Variants in TRDN observed in about 807,000 individuals in gnomAD.
The protein encoded by TRDN is triadin in skeletal muscle.
Under a neutral mutation model 149.7 loss-of-function variants are expected in TRDN, and 161 were observed. The ratio of observed to expected loss-of-function variants is 1.08; its 90% CI spans 0.95 to 1.23. The LOEUF (loss-of-function observed/expected upper bound fraction) is 1.23, where lower values mean the gene tolerates loss of function less well. Among genes scored for constraint, TRDN ranks in the 50% most tolerant of loss-of-function variants. The pLI is 0.00. For missense variants in TRDN, 896 were observed against 823.5 expected (o/e 1.09, Z -1.08); for synonymous variants, 294 against 250.5 (o/e 1.17, Z -1.64).
intron 6 of TRDN, 125 bp downstream of exon 6, chr6:123,516,016 T>A: frequency 9.3e-7 from 1 of 1,071,630 alleles, no homozygotes; most frequent in Non-Finnish European, 1.2e-6. Context: ...TCAGATTCTA[T>A]TCTGAGAAAA....
intron 12 of TRDN, among the ~76,000 whole-genome samples, chr6:123,405,724 T>C (rs1582978333): frequency 6.6e-6 from 1 of 152,252 alleles, no homozygotes; most frequent in East Asian, 1.9e-4. Context: ...ATTTAAAAAG[T>C]CAATTTAATT....
rs62350097 is a variant in TRDN, at chr6:123,559,628, C to T, written c.233-11016G>A. Among the ~76,000 whole-genome samples, 6 of 152,210 alleles carry T rather than the reference C, an allele frequency of 3.9e-5. No individual in the cohort carries two copies. In the East Asian group the frequency reaches 5.8e-4, roughly 15 times the overall value. Reference sequence around the variant, plus strand: ...CAATCAATGCCAATATCCCATCCCACAGCATGCTTTGAAAGGATTAAAGCC... The same window carrying T: ...CAATCAATGCCAATATCCCATCCCATAGCATGCTTTGAAAGGATTAAAGCC... On this transcript the variant is annotated intron_variant, in intron 2 of 40. Coordinates refer to ENST00000334268, the MANE Select transcript of TRDN (RefSeq NM_006073.4).
chr6:123,267,106 A>AAAAAAAAAAAAAAG (rs1329413474), intron 32 of TRDN, among the ~76,000 whole-genome samples: 1 of 148,246 alleles, frequency 6.7e-6, no homozygotes, highest in African/African-American at 2.5e-5. Context: ...TGTCTCAAAA[A>AAAAAAAAAAAAAAG]AAAAAAAAGA....
intron 21 of TRDN, among the ~76,000 whole-genome samples, chr6:123,342,618 G>T (rs551408279): frequency 6.6e-6 from 1 of 152,030 alleles, no homozygotes; most frequent in African/African-American, 2.4e-5. Flanking sequence ...TTTTATAGAT[G>T]TGATATCTGA....
In TRDN at chr6:123,265,027, A is replaced by G. The variant is rs1372878847; in HGVS notation, c.1804+291T>C. 2.6e-5 allele frequency among the ~76,000 whole-genome samples: 4 copies of G among 152,120 alleles called. No homozygotes were observed. The East Asian group carries it at 7.7e-4, about 29-fold the overall frequency. ...CCCCGAGGTATGCCAGGACAATGAC[A>G]TCTAATTTTCCTTGAATTGCATTTT... On this transcript the variant is annotated intron_variant, in intron 33 of 40. Transcript: ENST00000334268.
intron 2 of TRDN, among the ~76,000 whole-genome samples, chr6:123,560,508 A>G (rs1037219647): frequency 6.6e-6 from 1 of 152,190 alleles, no homozygotes; most frequent in Admixed American, 6.5e-5. Flanking sequence ...AAGGCCATCA[A>G]AAGGCATCAG....
intron 38 of TRDN, among the ~76,000 whole-genome samples, chr6:123,250,707 C>G (rs182639423): frequency 6.6e-6 from 1 of 151,992 alleles, no homozygotes; most frequent in Admixed American, 6.6e-5. Flanking sequence ...TTTTTCTTTT[C>G]AGTTACTGCT....
Position 123,246,925 on chromosome 6 carries a change from C to T in TRDN, c.1975+5487G>A, listed in dbSNP as rs140505877. The stretch of plus-strand genomic sequence containing the variant: ...CACCACGATCAAGTTGGCTTCATCC[C>T]TGGGATGCAAGGTTGGTTCAACATG... On this transcript the variant is annotated intron_variant, in intron 38 of 40. Coordinates refer to ENST00000334268, the MANE Select transcript of TRDN (RefSeq NM_006073.4). Among the ~76,000 whole-genome samples the T allele has an allele frequency of 5.8e-3, 876 of 152,272 alleles. 7 individuals are homozygous for T. Among genetic ancestry groups the T allele is most frequent in the African/African-American group, 0.02 (846 of 41,550 alleles).
intron 19 of TRDN, among the ~76,000 whole-genome samples, chr6:123,370,286 A>C (rs1781274838): frequency 6.6e-6 from 1 of 151,914 alleles, no homozygotes; most frequent in South Asian, 2.1e-4. Flanking sequence ...TATTACATGT[A>C]TTTGTCTCTA....
intron 12 of TRDN, among the ~76,000 whole-genome samples, chr6:123,437,009 G>A (rs1286544567): frequency 6.6e-6 from 1 of 152,140 alleles, no homozygotes; most frequent in African/African-American, 2.4e-5. Context: ...TAATACTTGA[G>A]ATGATTGTCT....
chr6:123,386,876 G>A (rs1781924619), intron 14 of TRDN, among the ~76,000 whole-genome samples: 1 of 152,184 alleles, frequency 6.6e-6, no homozygotes, highest in Non-Finnish European at 1.5e-5. Context: ...TGCTATGAAA[G>A]TAATAAATTG....
intron 24 of TRDN, among the ~76,000 whole-genome samples, chr6:123,280,600 C>T (rs1777545625): frequency 6.6e-6 from 1 of 151,170 alleles, no homozygotes; most frequent in Admixed American, 6.6e-5. Context: ...CTTTTTTCAT[C>T]ATCAGGGTTT....
At chr6:123,258,755 C>A (rs1776650529) in intron 35 of TRDN, among the ~76,000 whole-genome samples, 1 of 152,124 alleles carries the variant, frequency 6.6e-6, no homozygotes, top group African/African-American at 2.4e-5. Context: ...GTCTGTGAAT[C>A]CGTCTGGTCC....
intron 24 of TRDN, among the ~76,000 whole-genome samples, chr6:123,290,812 G>A (rs2022718139): frequency 6.6e-6 from 1 of 152,114 alleles, no homozygotes; most frequent in African/African-American, 2.4e-5. Flanking sequence ...TTCAAAATAT[G>A]AGGGAACCAG....
intron 24 of TRDN, among the ~76,000 whole-genome samples, chr6:123,313,904 A>G (rs1778924045): frequency 6.6e-6 from 1 of 152,126 alleles, no homozygotes; most frequent in Non-Finnish European, 1.5e-5. Flanking sequence ...CCTGGAAGAC[A>G]ACAGAGGCAA....
At chr6:123,331,762 A>G (rs1779667620) in intron 23 of TRDN, 117 bp downstream of exon 23, 4 of 613,530 alleles carry the variant, frequency 6.5e-6, no homozygotes, top group Non-Finnish European at 1.0e-5. Context: ...GCTTAAAAAC[A>G]TATGAAGGCT....
intron 25 of TRDN, 97 bp downstream of exon 25, chr6:123,278,959 A>T: frequency 8.6e-7 from 1 of 1,162,150 alleles, no homozygotes; most frequent in Non-Finnish European, 1.2e-6. Context: ...AATATTCAAC[A>T]TGAAATCAAG....
Position 123,503,631 on chromosome 6 carries a change from G to A in TRDN, c.793+88C>T, listed in dbSNP as rs745403714. ...TACCCCCATTTGAAGTCTGATTTTG[G>A]TCTTTTTCAACTTTTAATTTCACTG... On this transcript the variant is annotated intron_variant, in intron 8 of 40. Coordinates refer to ENST00000334268, the MANE Select transcript of TRDN (RefSeq NM_006073.4). The A allele has an allele frequency of 2.5e-6, 4 of 1,568,858 alleles. No individual in the cohort carries two copies. In the South Asian group the frequency reaches 3.6e-5, roughly 14 times the overall value.
intron 24 of TRDN, among the ~76,000 whole-genome samples, chr6:123,301,949 T>C (rs1778445518): frequency 6.7e-6 from 1 of 149,842 alleles, no homozygotes; most frequent in Non-Finnish European, 1.5e-5. Flanking sequence ...CGTTTAATGA[T>C]CTTTGCATTG....
Sources: allele counts gnomAD v4.1 joint callset (sites outside exome capture counted in the v4.1 genomes callset), GRCh38; gene constraint gnomAD v4.1.1; transcripts MANE v1.5; gene names NCBI Gene and HGNC (gene_info 2026-07-23, HGNC 2026-07-21).